TIMM50: variants seen among roughly 807,000 people sequenced by gnomAD.
The protein encoded by TIMM50 is translocase of inner mitochondrial membrane 50.
A neutral mutation model predicts 49.6 loss-of-function variants in TIMM50; 34 were observed. The observed-to-expected ratio is 0.69, with a 90% confidence interval of 0.52 to 0.91. The LOEUF is 0.91. Among genes scored for constraint, TIMM50 ranks in the 40% least tolerant of loss-of-function variants. The pLI, the probability that TIMM50 is intolerant of heterozygous loss-of-function variation, is 0.00. For missense variants in TIMM50, 458 were observed against 477.8 expected (o/e 0.96, Z 0.39); for synonymous variants, 199 against 198.4 (o/e 1.00, Z -0.03).
Position 39,492,876 on chromosome 19 carries a change from A to AAAAAAAAC in TIMM50, c.*3063_*3064insCAAAAAAA, listed in dbSNP as rs2079555206. The AAAAAAAAC allele has an allele frequency of 6.9e-6, 1 of 145,044 alleles. No homozygotes were observed. The highest frequency in any genetic ancestry group is 2.7e-5 in the African/African-American group (1 of 37,596). The allele number at this position is 145,044 out of a possible 1,614,324, so 9.0% of individuals were successfully genotyped here. The stretch of plus-strand genomic sequence containing the variant: ...ACAGAGTAAGGCTCTGTCTCCAAAA[A>AAAAAAAAC]AAAAAAAAAAAAAAAACAAAAAAAA... On this transcript the variant is annotated 3_prime_UTR_variant, in exon 11 of 11. Coordinates refer to ENST00000607714, the MANE Select transcript of TIMM50 (RefSeq NM_001001563.5).
chr19:39,481,903 C>T lies in TIMM50; in HGVS notation c.129C>T (p.Arg43=), dbSNP rs2079474550. The T allele has an allele frequency of 1.9e-6, 3 of 1,613,512 alleles. No homozygotes were observed. The highest frequency in any genetic ancestry group is 2.2e-5 in the South Asian group (2 of 91,074). ...APDQAAEIGS[R]GSTKAQGPQQ... ...CGCAGGCCGCAGAGATCGGGAGCCGCGGGAGCACTAAGGCGCAAGGGCCAC... is the reference window on the plus strand; with the variant it reads ...CGCAGGCCGCAGAGATCGGGAGCCGTGGGAGCACTAAGGCGCAAGGGCCAC... Residue 43 remains arginine, a synonymous_variant, in exon 2 of 11, where the codon CGC becomes CGT. Coordinates refer to ENST00000607714, the MANE Select transcript of TIMM50 (RefSeq NM_001001563.5).
intron 4 of TIMM50, among the ~76,000 whole-genome samples, chr19:39,483,731 G>A (rs1303959601): frequency 1.3e-5 from 2 of 152,220 alleles, no homozygotes; most frequent in Admixed American, 1.3e-4. Flanking sequence ...TTCAAACTGG[G>A]CAGTTGTAGA....
intron 4 of TIMM50, among the ~76,000 whole-genome samples, chr19:39,483,741 A>C (rs2079487382): frequency 6.6e-6 from 1 of 152,232 alleles, no homozygotes; most frequent in Admixed American, 6.5e-5. Flanking sequence ...GCAGTTGTAG[A>C]ATCATGCTGG....
In TIMM50 at chr19:39,485,613, G is replaced by T; in HGVS notation, c.372+11G>T. ...AAAGATTATAGACAGGTGAGCAGAAGCCCTGGGCTCAGTCCCCATGTCTCC... is the reference window on the plus strand; with the variant it reads ...AAAGATTATAGACAGGTGAGCAGAATCCCTGGGCTCAGTCCCCATGTCTCC... On this transcript the variant is annotated intron_variant, in intron 5 of 10. Coordinates refer to ENST00000607714, the MANE Select transcript of TIMM50 (RefSeq NM_001001563.5). 6.2e-7 allele frequency: 1 copy of T among 1,614,144 alleles called. No individual in the cohort carries two copies. Among genetic ancestry groups the T allele is most frequent in the African/African-American group, 1.3e-5 (1 of 75,022 alleles).
intron 6 of TIMM50, 110 bp from the exon 7 acceptor site, chr19:39,486,077 C>A: frequency 8.2e-7 from 1 of 1,223,580 alleles, no homozygotes; most frequent in Non-Finnish European, 1.2e-6. Flanking sequence ...GCCACAGAGA[C>A]AGAGGGAGAG....
In TIMM50 at chr19:39,481,092, G is replaced by T; in HGVS notation, c.108+131G>T. On this transcript the variant is annotated intron_variant, in intron 1 of 10. Transcript: ENST00000607714. ...AATGAAACGCCGCTTGTGTTTTGGG[G>T]CCCTTCCCAACCTCCTGGGTGGTTG... 5 of 1,253,588 alleles carry T rather than the reference G, an allele frequency of 4.0e-6. No individual in the cohort carries two copies. In the South Asian group the frequency reaches 8.0e-5, roughly 20 times the overall value. The allele number at this position is 1,253,588 out of a possible 1,614,324, so 77.7% of individuals were successfully genotyped here.
intron 2 of TIMM50, 34 bp downstream of exon 2, chr19:39,482,067 C>T (rs753676274): frequency 5.0e-6 from 8 of 1,601,226 alleles, no homozygotes; most frequent in East Asian, 2.2e-5. Context: ...CAGTTTTGTT[C>T]CTTGGCCTCC....
intron 10 of TIMM50, 78 bp from the exon 11 acceptor site, chr19:39,489,641 C>T (rs923203230): frequency 9.7e-5 from 130 of 1,343,130 alleles, no homozygotes; most frequent in Non-Finnish European, 2.9e-5. Context: ...TGGGCTGAGG[C>T]CTGGGGACCT....
At position 39,482,044 on chromosome 19, in the gene TIMM50, T is replaced by C. The variant is rs200737809; in HGVS notation, c.259+11T>C. On this transcript the variant is annotated intron_variant, in intron 2 of 10. Transcript: ENST00000607714. ...TCGTCTATATCTTTGGTGAGGGACA[T>C]ATCCCTGTCCCCCAGTTTTGTTCCT... The C allele has an allele frequency of 4.1e-4, 662 of 1,610,890 alleles. 2 individuals are homozygous for C. Among genetic ancestry groups the C allele is most frequent in the Middle Eastern group, 3.0e-3 (18 of 6,052 alleles).
At chr19:39,481,831 A>T in intron 1 of TIMM50, 52 bp from the exon 2 acceptor site, 2 of 1,581,310 alleles carry the variant, frequency 1.3e-6, no homozygotes, top group East Asian at 4.5e-5. Context: ...GAGGGTGGGG[A>T]CCATCCTGAC....
Position 39,493,638 on chromosome 19 carries a change from C to A in TIMM50, c.*3818C>A, listed in dbSNP as rs960639907. The A allele has an allele frequency of 6.6e-6, 1 of 152,150 alleles. No homozygotes were observed. Among genetic ancestry groups the A allele is most frequent in the African/African-American group, 2.4e-5 (1 of 41,424 alleles). 9.4% of individuals were successfully genotyped at this position (152,150 alleles called of 1,614,324 possible). ...ACCCCCACTGAGCACCTTGCGACCCCCCACTCCTGCCCGCCCTTTGACTGT... is the reference window on the plus strand; with the variant it reads ...ACCCCCACTGAGCACCTTGCGACCCACCACTCCTGCCCGCCCTTTGACTGT... On this transcript the variant is annotated 3_prime_UTR_variant, in exon 11 of 11. Transcript: ENST00000607714.
chr19:39,489,794 T>C lies in TIMM50; in HGVS notation c.1036T>C (p.Leu346=). The change falls in exon 11 of 11, where the codon TTG becomes CTG. Residue 346 remains leucine (L), a synonymous_variant. Coordinates refer to ENST00000607714, the MANE Select transcript of TIMM50 (RefSeq NM_001001563.5). ...CTTCCTTGGCTCCCTCACCAGCCGC[T>C]TGTGGCCTCGCTCCAAACAGCCCTG... ...NLFLGSLTSR[L]WPRSKQP is the part of the protein sequence containing the mutation. The C allele has an allele frequency of 1.2e-6, 2 of 1,610,644 alleles. No homozygotes were observed. The highest frequency in any genetic ancestry group is 1.1e-5 in the South Asian group (1 of 89,894).
chr19:39,488,061 G>A lies in TIMM50; in HGVS notation c.697G>A (p.Asp233Asn). The A allele has an allele frequency of 1.2e-6, 2 of 1,608,624 alleles. No individual in the cohort carries two copies. Among genetic ancestry groups the A allele is most frequent in the Non-Finnish European group, 8.5e-7 (1 of 1,175,826 alleles). ...GACCTGATCTGTCACTCACTTCCAG[G>A]ATATTTCATGTCTGAATCGGGACCC... ...TRYMDGHHVK[D>N]ISCLNRDPAR... The change falls in exon 9 of 11, where the codon GAT (aspartate) becomes AAT (asparagine). Residue 233 changes from aspartate (D) to asparagine (N), a missense_variant and splice_region_variant. Physicochemically the swap from Asp to Asn is conservative, Grantham distance 23. Coordinates refer to ENST00000607714, the MANE Select transcript of TIMM50 (RefSeq NM_001001563.5).
At chr19:39,482,727 A>C (rs968574409) in intron 2 of TIMM50, among the ~76,000 whole-genome samples, 158 bp from the exon 3 acceptor site, 1 of 150,514 alleles carries the variant, frequency 6.6e-6, no homozygotes, top group African/African-American at 2.4e-5. Flanking sequence ...TCAAAGACCC[A>C]GGAATCTTGG....
rs1283397325 is a variant in TIMM50, at chr19:39,488,650, G to A, written c.960+5G>A. On this transcript the variant is annotated splice_donor_5th_base_variant and intron_variant, in intron 10 of 10. Transcript: ENST00000607714. ...CGGCAAAGCCGGCTAGAGCAGGTTG[G>A]TGCTCAGATGCCCAGAGTGGAGGAT... 6.2e-7 allele frequency: 1 copy of A among 1,612,496 alleles called. No homozygotes were observed. Among genetic ancestry groups the A allele is most frequent in the South Asian group, 1.1e-5 (1 of 91,044 alleles).
rs2079530560 is a variant in TIMM50, at chr19:39,489,599, A to G, written c.961-120A>G. The G allele has an allele frequency of 5.1e-6, 5 of 981,370 alleles. No individual in the cohort carries two copies. In the East Asian group the frequency reaches 1.3e-4, roughly 26 times the overall value. The allele number at this position is 981,370 out of a possible 1,614,324, so 60.8% of individuals were successfully genotyped here. A position where few individuals can be genotyped will look rare whatever the true frequency, so the allele number is the denominator to read the frequency against. ...CCAGGGTTTGGGGAAAGGGGTCTGG[A>G]CTTGGCAGAAGTCAGAAGGAAAGGT... On this transcript the variant is annotated intron_variant, in intron 10 of 10. Transcript: ENST00000607714.
rs2079556456 is a variant in TIMM50, at chr19:39,492,883, A to AAAAAAAAC, written c.*3070_*3071insCAAAAAAA. The stretch of plus-strand genomic sequence containing the variant: ...AAGGCTCTGTCTCCAAAAAAAAAAA[A>AAAAAAAAC]AAAAAAAAACAAAAAAAAAACCAGT... On this transcript the variant is annotated 3_prime_UTR_variant, in exon 11 of 11. Coordinates refer to ENST00000607714, the MANE Select transcript of TIMM50 (RefSeq NM_001001563.5). 1 of 138,628 alleles carries AAAAAAAAC rather than the reference A, an allele frequency of 7.2e-6. No individual in the cohort carries two copies. Among genetic ancestry groups the AAAAAAAAC allele is most frequent in the African/African-American group, 2.8e-5 (1 of 35,788 alleles). The allele number at this position is 138,628 out of a possible 1,614,324, so 8.6% of individuals were successfully genotyped here.
chr19:39,484,657 A>G (rs2079492918), intron 4 of TIMM50, among the ~76,000 whole-genome samples: 1 of 152,068 alleles, frequency 6.6e-6, no homozygotes. Context: ...CTAGTTCTGA[A>G]CCACTGTTTT....
At chr19:39,485,880 C>G in intron 6 of TIMM50, 73 bp downstream of exon 6, 8 of 1,586,788 alleles carry the variant, frequency 5.0e-6, no homozygotes, top group Non-Finnish European at 6.9e-6. Flanking sequence ...GACTTTCAGC[C>G]CTGGCTGTGC....
Sources: gnomAD v4.1 joint callset for allele counts (sites outside exome capture counted in the v4.1 genomes callset) on GRCh38, gnomAD v4.1.1 for gene constraint, MANE v1.5 for transcripts, NCBI Gene and HGNC (gene_info 2026-07-23, HGNC 2026-07-21) for gene names.